The following CEP68 variants were observed in gnomAD, a reference collection of about 807,000 sequenced individuals.
The protein encoded by CEP68 is centrosomal protein 68.
CEP68 carries 26 observed loss-of-function variants against 55.3 expected under a neutral mutation model. The observed-to-expected ratio is 0.47, with a 90% CI of 0.34 to 0.65. The LOEUF (loss-of-function observed/expected upper bound fraction) is 0.65, where lower values mean the gene tolerates loss of function less well. Among genes scored for constraint, CEP68 ranks in the 30% least tolerant of loss-of-function variants. The pLI, the probability that CEP68 is intolerant of heterozygous loss-of-function variation, is 0.01. For synonymous variants in CEP68, 402 were observed against 383.2 expected, an observed-to-expected ratio of 1.05 and a Z score of -0.57; for missense variants, 957 against 946.7, an observed-to-expected ratio of 1.01 and a Z score of -0.14.
chr2:65,073,407 AT>A (rs1291238812), intron 3 of CEP68: 1 of 288,256 alleles, frequency 3.5e-6, no homozygotes, highest in Non-Finnish European at 6.8e-6. Flanking sequence ...CTAGAGCTTC[AT>A]TTGCCACAGT....
intron 1 of CEP68, among the ~76,000 whole-genome samples, chr2:65,060,787 T>A (rs1321822124): frequency 6.6e-6 from 1 of 152,170 alleles, no homozygotes; most frequent in African/African-American, 2.4e-5. Context: ...ACATGGACAC[T>A]CTGCTGACTG....
At chr2:65,069,189 A>T (rs2103767299) in intron 1 of CEP68, among the ~76,000 whole-genome samples, 1 of 152,358 alleles carries the variant, frequency 6.6e-6, no homozygotes, top group East Asian at 1.9e-4. Context: ...CCATGAAAGC[A>T]GAGGGGAAAT....
intron 1 of CEP68, among the ~76,000 whole-genome samples, chr2:65,058,124 A>G (rs1675735645): frequency 6.6e-6 from 1 of 152,246 alleles, no homozygotes; most frequent in Non-Finnish European, 1.5e-5. Context: ...GGAGAAAAAT[A>G]AATGGATACT....
chr2:65,077,024 C>CCCCT (rs1676798943), intron 4 of CEP68, among the ~76,000 whole-genome samples: 1 of 136,110 alleles, frequency 7.3e-6, no homozygotes, highest in African/African-American at 2.8e-5. Flanking sequence ...TGAGACGGAG[C>CCCCT]CTCTCTTACT....
chr2:65,075,360 A>G (rs2103786153), intron 4 of CEP68: 1 of 152,174 alleles, frequency 6.6e-6, no homozygotes, highest in East Asian at 1.9e-4. Context: ...CCAAAATCAC[A>G]CCACTGCACT....
intron 5 of CEP68, among the ~76,000 whole-genome samples, chr2:65,081,661 G>A (rs1668816964): frequency 6.6e-6 from 1 of 152,214 alleles, no homozygotes. Flanking sequence ...CACTGCGGGA[G>A]TGAATCTTCC....
chr2:65,071,294 G>C, intron 2 of CEP68, 160 bp from the exon 3 acceptor site: 1 of 618,868 alleles, frequency 1.6e-6, no homozygotes, highest in Non-Finnish European at 2.8e-6. Context: ...GCTGCTGGCA[G>C]TGCATATTGC....
Position 65,056,482 on chromosome 2 carries a change from G to C in CEP68, c.-93G>C, listed in dbSNP as rs1217599885. The C allele has an allele frequency of 1.3e-5, 2 of 152,568 alleles. No individual in the cohort carries two copies. Among genetic ancestry groups the C allele is most frequent in the African/African-American group, 2.4e-5 (1 of 41,466 alleles). 9.5% of individuals were successfully genotyped at this position (152,568 alleles called of 1,614,324 possible). ...CCGCCAGCTCGGGGCCAGCGCATGGGGCTGCTGAGACCGCTCCGGACGTGC... is the reference window on the plus strand; with the variant it reads ...CCGCCAGCTCGGGGCCAGCGCATGGCGCTGCTGAGACCGCTCCGGACGTGC... On this transcript the variant is annotated 5_prime_UTR_variant, in exon 1 of 7. Coordinates refer to ENST00000377990, the MANE Select transcript of CEP68 (RefSeq NM_015147.3).
intron 2 of CEP68, chr2:65,070,823 G>C (rs1427696177): frequency 6.5e-6 from 1 of 153,050 alleles, no homozygotes; most frequent in Non-Finnish European, 1.5e-5. Context: ...TGCTATGAGG[G>C]GAGGAAAGTG....
rs1278305334 is a variant in CEP68 at position 65,086,536 on chromosome 2, T to TTAAG, written c.*2904_*2907dup. 2.0e-5 allele frequency: 3 copies of TTAAG among 152,238 alleles called. No homozygotes were observed. The highest frequency in any genetic ancestry group is 7.2e-5 in the African/African-American group (3 of 41,462). 9.4% of individuals were successfully genotyped at this position (152,238 alleles called of 1,614,324 possible). ...AAAAGAACGCTGGAATTTTCCAAAC[T>TTAAG]TAAGTCTGTAAATATGCTCATCTTA... On this transcript the variant is annotated 3_prime_UTR_variant, in exon 7 of 7. Coordinates refer to ENST00000377990, the MANE Select transcript of CEP68 (RefSeq NM_015147.3).
At chr2:65,069,196 A>G (rs1676339194) in intron 1 of CEP68, among the ~76,000 whole-genome samples, 1 of 152,088 alleles carries the variant, frequency 6.6e-6, no homozygotes, top group Non-Finnish European at 1.5e-5. Context: ...AGCAGAGGGG[A>G]AATGGTGTGC....
Position 65,073,196 on chromosome 2 carries a change from A to G in CEP68, c.1884+216A>G. The G allele has an allele frequency of 4.7e-6, 3 of 631,734 alleles. No homozygotes were observed. In the South Asian group the frequency reaches 5.2e-5, roughly 11 times the overall value. 39.1% of individuals were successfully genotyped at this position (631,734 alleles called of 1,614,324 possible). A position where few individuals can be genotyped will look rare whatever the true frequency, so the allele number is the denominator to read the frequency against. ...AGGAAAGAGCAGAGAGAGGTTAGGT[A>G]ACGTGCCCACTTATAATTAGCAAGG... is the stretch of plus-strand genomic sequence containing the variant. On this transcript the variant is annotated intron_variant, in intron 3 of 6. Coordinates refer to ENST00000377990, the MANE Select transcript of CEP68 (RefSeq NM_015147.3).
rs774522142 is a variant in CEP68 at position 65,072,417 on chromosome 2, C to A, written c.1321C>A (p.Arg441=). Reference sequence around the variant, plus strand: ...TATGGGCTCTCCCCAGCTAAGGACACGGGACAGAGGGTGGCCCTCGCCCAG... The same window carrying A: ...TATGGGCTCTCCCCAGCTAAGGACAAGGGACAGAGGGTGGCCCTCGCCCAG... The part of the protein sequence containing the change: ...LDMGSPQLRT[R]DRGWPSPRPE... Residue 441 remains arginine (R), a synonymous_variant, in exon 3 of 7, where the codon CGG becomes AGG. Coordinates refer to ENST00000377990, the MANE Select transcript of CEP68 (RefSeq NM_015147.3). The A allele has an allele frequency of 1.2e-6, 2 of 1,613,830 alleles. No individual in the cohort carries two copies. Among genetic ancestry groups the A allele is most frequent in the Admixed American group, 3.3e-5 (2 of 60,000 alleles).
intron 1 of CEP68, among the ~76,000 whole-genome samples, chr2:65,066,775 C>CA (rs201666756): frequency 8.1e-4 from 89 of 109,576 alleles, no homozygotes; most frequent in Non-Finnish European, 1.5e-3. Context: ...TATACACACA[C>CA]AAAAAAAAAT....
rs1676471204 is a variant in CEP68, at chr2:65,071,701, C to T, written c.605C>T (p.Ser202Phe). 1 of 1,614,122 alleles carries T rather than the reference C, an allele frequency of 6.2e-7. No homozygotes were observed. The highest frequency in any genetic ancestry group is 8.5e-7 in the Non-Finnish European group (1 of 1,180,020). ...QPSSCSISAS[S>F]TGSSLQGHQE... is the part of the protein sequence containing the mutation. ...TCCAGCTGCAGCATCTCTGCTTCCT[C>T]CACAGGCAGCAGTCTCCAGGGTCAC... Residue 202 changes from serine (S) to phenylalanine (F), a missense_variant, in exon 3 of 7, where the codon TCC becomes TTC. Transcript: ENST00000377990.
At chr2:65,062,962 C>G (rs187678061) in intron 1 of CEP68, among the ~76,000 whole-genome samples, 1 of 152,200 alleles carries the variant, frequency 6.6e-6, no homozygotes, top group Non-Finnish European at 1.5e-5. Context: ...TCCCACAGTT[C>G]CCAGTCCTCC....
chr2:65,080,367 CG>C (rs1481942878), intron 5 of CEP68: 1 of 985,094 alleles, frequency 1.0e-6, no homozygotes. Flanking sequence ...CCCCTTGAGA[CG>C]TCAGTGTCTG....
chr2:65,081,640 A>G (rs1668813671), intron 5 of CEP68, among the ~76,000 whole-genome samples: 1 of 152,192 alleles, frequency 6.6e-6, no homozygotes, highest in Admixed American at 6.6e-5. Context: ...TCACATGAAC[A>G]ACAATTCTGA....
chr2:65,075,329 G>C (rs1676711733), intron 4 of CEP68: 1 of 151,694 alleles, frequency 6.6e-6, no homozygotes, highest in African/African-American at 2.4e-5. Context: ...CTGGAACCCG[G>C]CAGGCAGAGG....
Sources: allele counts gnomAD v4.1 joint callset (sites outside exome capture counted in the v4.1 genomes callset), GRCh38; gene constraint gnomAD v4.1.1; transcripts MANE v1.5; gene names NCBI Gene and HGNC (gene_info 2026-07-23, HGNC 2026-07-21).